The following GRIA4 variants were observed in gnomAD, a reference collection of about 807,000 sequenced individuals.
GRIA4 encodes glutamate ionotropic receptor AMPA type subunit 4.
A neutral mutation model predicts 104.0 loss-of-function variants in GRIA4; 34 were observed. The ratio of observed to expected loss-of-function variants is 0.33; its 90% confidence interval spans 0.25 to 0.44. The LOEUF (loss-of-function observed/expected upper bound fraction) is 0.44. Ranked by LOEUF, GRIA4 falls within the 20% of genes least tolerant of loss-of-function variation. The pLI is 1.00. For missense variants in GRIA4, 750 were observed against 1,096.5 expected, an observed-to-expected ratio of 0.68 and a Z score of 4.46; for synonymous variants, 386 against 381.9, an observed-to-expected ratio of 1.01 and a Z score of -0.13.
chr11:105,953,966 C>T (rs1015435377), intron 14 of GRIA4, among the ~76,000 whole-genome samples: 3 of 152,146 alleles, frequency 2.0e-5, no homozygotes, highest in African/African-American at 7.2e-5. Flanking sequence ...TATTCAGTCA[C>T]ATTCATTTAA....
chr11:105,933,673 ATGT>A, intron 13 of GRIA4, 46 bp from the exon 14 acceptor site: 1 of 1,366,908 alleles, frequency 7.3e-7, no homozygotes, highest in Non-Finnish European at 1.0e-6. Flanking sequence ...GAATATTAAC[ATGT>A]TGTTCCCTTC....
intron 5 of GRIA4, among the ~76,000 whole-genome samples, chr11:105,863,689 A>G (rs1945308000): frequency 1.3e-5 from 2 of 152,162 alleles, no homozygotes; most frequent in Non-Finnish European, 2.9e-5. Flanking sequence ...TAAATAACTC[A>G]CGATGAATCC....
At chr11:105,925,342 A>G (rs1284051349) in intron 12 of GRIA4, among the ~76,000 whole-genome samples, 1 of 152,152 alleles carries the variant, frequency 6.6e-6, no homozygotes, top group East Asian at 1.9e-4. Flanking sequence ...ATGTTTTTCA[A>G]TATCTGTGGA....
At chr11:105,683,463 G>C (rs1166922322) in intron 3 of GRIA4, among the ~76,000 whole-genome samples, 2 of 151,958 alleles carry the variant, frequency 1.3e-5, no homozygotes, top group Non-Finnish European at 2.9e-5. Flanking sequence ...GGCTCCTGAA[G>C]ACTAGAGGAA....
At chr11:105,812,559 T>G (rs1469490735) in intron 4 of GRIA4, among the ~76,000 whole-genome samples, 1 of 152,110 alleles carries the variant, frequency 6.6e-6, no homozygotes, top group Non-Finnish European at 1.5e-5. Context: ...GTGACTTAAT[T>G]GGGTCTTGGA....
intron 4 of GRIA4, among the ~76,000 whole-genome samples, chr11:105,773,550 C>G (rs1310427097): frequency 3.9e-5 from 6 of 152,194 alleles, no homozygotes; most frequent in African/African-American, 1.4e-4. Flanking sequence ...AGCCCTCCAG[C>G]ACGCTGGGCT....
chr11:105,867,990 T>C (rs968872436), intron 5 of GRIA4, among the ~76,000 whole-genome samples: 2 of 152,180 alleles, frequency 1.3e-5, no homozygotes, highest in Non-Finnish European at 2.9e-5. Flanking sequence ...TGTACAAAGG[T>C]GAGCAACTCA....
intron 3 of GRIA4, among the ~76,000 whole-genome samples, chr11:105,656,344 C>A (rs899881077): frequency 6.6e-6 from 1 of 151,874 alleles, no homozygotes; most frequent in Non-Finnish European, 1.5e-5. Flanking sequence ...CTGGACCCCT[C>A]CCTTACACCT....
intron 4 of GRIA4, among the ~76,000 whole-genome samples, chr11:105,758,744 A>G (rs1372575244): frequency 6.6e-6 from 1 of 152,214 alleles, no homozygotes; most frequent in Non-Finnish European, 1.5e-5. Context: ...ATCATGTTAT[A>G]ACAGGTATTG....
intron 5 of GRIA4, among the ~76,000 whole-genome samples, chr11:105,866,551 G>GTGTGTGTGTATATATA (rs1299256765): frequency 2.6e-5 from 2 of 76,752 alleles, no homozygotes; most frequent in African/African-American, 1.3e-4. Flanking sequence ...GTGTGTGTGT[G>GTGTGTGTGTATATATA]TATATATATA....
At position 105,647,454 on chromosome 11, in the gene GRIA4, AG is replaced by A. The variant is rs149093092; in HGVS notation, c.247+35022del. 9.4e-3 allele frequency among the ~76,000 whole-genome samples: 1,428 copies of A among 152,310 alleles called. 33 individuals are homozygous for A. The highest frequency in any genetic ancestry group is 0.032 in the African/African-American group (1,348 of 41,566). ...GCCCCATTATTGGGTATATATCCAAAGGAATATAAATCATGGTTTTATAAAG... is the reference window on the plus strand; with the variant it reads ...GCCCCATTATTGGGTATATATCCAAAGAATATAAATCATGGTTTTATAAAG... On this transcript the variant is annotated intron_variant, in intron 3 of 16. Transcript: ENST00000282499.
rs368142517 is a variant in GRIA4 at position 105,898,447 on chromosome 11, T to C, written c.885+20T>C. On this transcript the variant is annotated intron_variant, in intron 7 of 16. Transcript: ENST00000282499. ...CCAAAGGTATTTGTTTATTTTTATC[T>C]ACTGTATTACTGATAGTTTCAAAAT... The C allele has an allele frequency of 9.2e-5, 123 of 1,332,136 alleles. No homozygotes were observed. Among genetic ancestry groups the C allele is most frequent in the Non-Finnish European group, 1.2e-4 (116 of 944,648 alleles). The allele number at this position is 1,332,136 out of a possible 1,614,324, so 82.5% of individuals were successfully genotyped here. A position where few individuals can be genotyped will look rare whatever the true frequency, so the allele number is the denominator to read the frequency against.
intron 14 of GRIA4, among the ~76,000 whole-genome samples, chr11:105,945,709 A>T (rs893335799): frequency 1.3e-5 from 2 of 152,204 alleles, no homozygotes; most frequent in African/African-American, 2.4e-5. Flanking sequence ...CTTTCACACA[A>T]GTCATATCAG....
chr11:105,959,675 T>C (rs965244612), intron 14 of GRIA4, among the ~76,000 whole-genome samples: 5 of 152,222 alleles, frequency 3.3e-5, no homozygotes, highest in South Asian at 2.1e-4. Context: ...TGGAGGAGAA[T>C]AGGCACTCTA....
intron 3 of GRIA4, among the ~76,000 whole-genome samples, chr11:105,717,335 C>A (rs547866576): frequency 6.6e-6 from 1 of 151,840 alleles, no homozygotes; most frequent in Non-Finnish European, 1.5e-5. Flanking sequence ...AAAAAAAAAT[C>A]TTAATGGGAA....
intron 3 of GRIA4, among the ~76,000 whole-genome samples, chr11:105,683,234 C>T (rs887218711): frequency 2.6e-5 from 4 of 151,720 alleles, no homozygotes; most frequent in African/African-American, 9.7e-5. Flanking sequence ...ATTTATATAG[C>T]ACTTTATATT....
intron 3 of GRIA4, among the ~76,000 whole-genome samples, chr11:105,635,795 T>C (rs545629545): frequency 1.3e-5 from 2 of 152,216 alleles, no homozygotes; most frequent in Non-Finnish European, 2.9e-5. Context: ...TATGAACACA[T>C]TTTCACTTAG....
intron 14 of GRIA4, among the ~76,000 whole-genome samples, chr11:105,970,694 C>T (rs1314258402): frequency 6.6e-6 from 1 of 152,132 alleles, no homozygotes; most frequent in Non-Finnish European, 1.5e-5. Context: ...TCCAGATGCA[C>T]TCAGCATTTC....
intron 4 of GRIA4, among the ~76,000 whole-genome samples, chr11:105,801,998 A>G (rs1245797767): frequency 6.6e-6 from 1 of 152,122 alleles, no homozygotes; most frequent in African/African-American, 2.4e-5. Flanking sequence ...AGGACATGGC[A>G]GTAATTACTG....
Sources: allele counts gnomAD v4.1 joint callset (sites outside exome capture counted in the v4.1 genomes callset), GRCh38; gene constraint gnomAD v4.1.1; transcripts MANE v1.5; gene names NCBI Gene and HGNC (gene_info 2026-07-23, HGNC 2026-07-21).